SLC1A3: variants seen among roughly 807,000 people sequenced by gnomAD.
The protein encoded by SLC1A3 is excitatory amino acid transporter 1.
A neutral mutation model predicts 48.1 loss-of-function variants in SLC1A3; 21 were observed. That is an observed-to-expected ratio of 0.44 (90% CI 0.31 to 0.63). The LOEUF is 0.63. SLC1A3 is among the 20% of genes least tolerant of loss of function. The probability of loss-of-function intolerance (pLI) is 0.08; values close to 1 mark genes in which losing one functional copy is unlikely to be tolerated. For missense variants in SLC1A3, 546 were observed against 689.0 expected (o/e 0.79, Z 2.32); for synonymous variants, 239 against 251.4 (o/e 0.95, Z 0.47).
rs531319377 is a variant in SLC1A3, at chr5:36,635,209, A to G, written c.319+5622A>G. Among the ~76,000 whole-genome samples, 49 of 152,108 alleles carry G rather than the reference A, an allele frequency of 3.2e-4. 1 individual carries two copies. Among genetic ancestry groups the G allele is most frequent in the African/African-American group, 1.1e-3 (47 of 41,524 alleles). Reference sequence around the variant, plus strand: ...AAAACAGTATCTAACGCAGGGAGGAATTTCTTTAGGCTTCCCTTTCATTCT... The same window carrying G: ...AAAACAGTATCTAACGCAGGGAGGAGTTTCTTTAGGCTTCCCTTTCATTCT... On this transcript the variant is annotated intron_variant, in intron 3 of 9. Transcript: ENST00000265113.
Position 36,680,594 on chromosome 5 carries a change from A to G in SLC1A3, c.1289+5A>G, listed in dbSNP as rs528412871. On this transcript the variant is annotated splice_donor_5th_base_variant and intron_variant, in intron 8 of 9. Coordinates refer to ENST00000265113, the MANE Select transcript of SLC1A3 (RefSeq NM_004172.5). ...CGGACAAATTATTACAATCAGGTAC[A>G]AGGAAAGAGTTCTATACACCCTTTC... 4 of 1,611,588 alleles carry G rather than the reference A, an allele frequency of 2.5e-6. No individual in the cohort carries two copies. Among genetic ancestry groups the G allele is most frequent in the African/African-American group, 2.7e-5 (2 of 74,994 alleles).
Position 36,679,717 on chromosome 5 carries a change from C to T in SLC1A3, c.951C>T (p.Tyr317=). ...TGATTGGGGGGCAGCTTGCCATGTA[C>T]ACCGTGACTGTCATTGTTGGCTTAC... The part of the protein sequence containing the change: ...MGVIGGQLAM[Y]TVTVIVGLLI... Residue 317 remains tyrosine, a synonymous_variant, in exon 7 of 10, where the codon TAC becomes TAT. Coordinates refer to ENST00000265113, the MANE Select transcript of SLC1A3 (RefSeq NM_004172.5). The T allele has an allele frequency of 6.2e-7, 1 of 1,614,114 alleles. No individual in the cohort carries two copies. Among genetic ancestry groups the T allele is most frequent in the South Asian group, 1.1e-5 (1 of 91,082 alleles).
chr5:36,625,283 C>T (rs1190159112), intron 2 of SLC1A3, among the ~76,000 whole-genome samples: 1 of 152,136 alleles, frequency 6.6e-6, no homozygotes, highest in African/African-American at 2.4e-5. Flanking sequence ...CATGGCAGAA[C>T]CCCATCTCTA....
At chr5:36,600,359 G>A (rs886743601) in intron 1 of SLC1A3, among the ~76,000 whole-genome samples, 6 of 152,064 alleles carry the variant, frequency 3.9e-5, no homozygotes, top group Non-Finnish European at 8.8e-5. Context: ...TTGGAGGAGA[G>A]GACCTCCTAC....
At chr5:36,645,743 G>T (rs1740816432) in intron 3 of SLC1A3, among the ~76,000 whole-genome samples, 1 of 152,162 alleles carries the variant, frequency 6.6e-6, no homozygotes, top group African/African-American at 2.4e-5. Context: ...TTTGGACGAG[G>T]TTAAAATCAG....
intron 2 of SLC1A3, among the ~76,000 whole-genome samples, chr5:36,617,727 C>T (rs1038496641): frequency 6.6e-5 from 10 of 152,148 alleles, no homozygotes; most frequent in African/African-American, 1.4e-4. Context: ...TTCCTTAGCA[C>T]GTAGAAAGGC....
In SLC1A3 at chr5:36,629,422, T is replaced by C. The variant is rs575905092; in HGVS notation, c.182-28T>C. 317 of 1,597,848 alleles carry C rather than the reference T, an allele frequency of 2.0e-4. 1 individual carries two copies. The African/African-American group carries it at 3.8e-3, about 19-fold the overall frequency. On this transcript the variant is annotated intron_variant, in intron 2 of 9. Coordinates refer to ENST00000265113, the MANE Select transcript of SLC1A3 (RefSeq NM_004172.5). ...TGTTTCAAAAAAGACTCAATTTTTC[T>C]TTTTCTTTTTTTTTTTTTTTCCTTC...
chr5:36,616,064 C>T (rs1026159341), intron 2 of SLC1A3, among the ~76,000 whole-genome samples: 7 of 152,198 alleles, frequency 4.6e-5, no homozygotes, highest in East Asian at 3.9e-4. Flanking sequence ...GGCGCGGTGG[C>T]GGCTGCCTGT....
chr5:36,602,723 T>TG (rs1353662915), upstream of SLC1A3, among the ~76,000 whole-genome samples: 6 of 152,114 alleles, frequency 3.9e-5, no homozygotes, highest in African/African-American at 9.7e-5. Flanking sequence ...GGAATCTATT[T>TG]GGGGGGGTTC....
At chr5:36,621,956 T>C (rs147134807) in intron 2 of SLC1A3, among the ~76,000 whole-genome samples, 2 of 152,344 alleles carry the variant, frequency 1.3e-5, no homozygotes, top group East Asian at 3.9e-4. Flanking sequence ...GACAAATTAG[T>C]GCTAGTTTGG....
intron 3 of SLC1A3, among the ~76,000 whole-genome samples, chr5:36,657,945 G>A (rs1741349202): frequency 6.6e-6 from 1 of 152,216 alleles, no homozygotes; most frequent in Non-Finnish European, 1.5e-5. Context: ...GAGAGGCTTT[G>A]ACAAAGCAGA....
chr5:36,675,967 A>G (rs749694624), intron 5 of SLC1A3, among the ~76,000 whole-genome samples: 6 of 152,212 alleles, frequency 3.9e-5, no homozygotes, highest in Non-Finnish European at 7.3e-5. Flanking sequence ...TACAATCACC[A>G]TCAAGATCAG....
At chr5:36,602,384 A>G (rs1738818729), upstream of SLC1A3, among the ~76,000 whole-genome samples, 1 of 152,186 alleles carries the variant, frequency 6.6e-6, no homozygotes, top group Non-Finnish European at 1.5e-5. Flanking sequence ...TAAATTAGAT[A>G]ATGTGTGTAG....
chr5:36,640,511 T>A (rs1331360956), intron 3 of SLC1A3, among the ~76,000 whole-genome samples: 15 of 152,208 alleles, frequency 9.9e-5, no homozygotes, highest in Admixed American at 9.8e-4. Context: ...TGAGTTTCCA[T>A]CCAGGTTTTC....
At chr5:36,629,367 ACTTACTCATTTTG>A in intron 2 of SLC1A3, 70 bp from the exon 3 acceptor site, 3 of 1,195,934 alleles carry the variant, frequency 2.5e-6, no homozygotes, top group Non-Finnish European at 3.6e-6. Flanking sequence ...CCAGCCAAAT[ACTTACTCATTTTG>A]CTAGGGCTGT....
Position 36,608,580 on chromosome 5 carries a change from C to T in SLC1A3, c.157C>T (p.Leu53Phe). ...SYLFRNAFVL[L>F]TVTAVIVGTI... ...CCTGTTTCGGAATGCTTTTGTGCTG[C>T]TCACAGTCACCGCTGTCATTGTGGG... The change falls in exon 2 of 10, where the codon CTC becomes TTC. Residue 53 changes from leucine to phenylalanine, a missense_variant. Physicochemically the swap from Leu to Phe is conservative, Grantham distance 22. Coordinates refer to ENST00000265113, the MANE Select transcript of SLC1A3 (RefSeq NM_004172.5). 1 of 1,613,836 alleles carries T rather than the reference C, an allele frequency of 6.2e-7. No individual in the cohort carries two copies. Among genetic ancestry groups the T allele is most frequent in the Non-Finnish European group, 8.5e-7 (1 of 1,179,778 alleles).
At position 36,617,323 on chromosome 5, in the gene SLC1A3, C is replaced by A. The variant is rs62354632; in HGVS notation, c.181+8719C>A. ...AGGAGAAATCAACCCAGACTCAAAG[C>A]GACATTTTAGAAAGATGCAGGCATC... On this transcript the variant is annotated intron_variant, in intron 2 of 9. Transcript: ENST00000265113. 9.4e-3 allele frequency among the ~76,000 whole-genome samples: 1,411 copies of A among 150,056 alleles called. 7 individuals carry two copies. Among genetic ancestry groups the A allele is most frequent in the Non-Finnish European group, 0.015 (984 of 67,834 alleles).
chr5:36,614,175 G>A (rs1739332299), intron 2 of SLC1A3, among the ~76,000 whole-genome samples: 3 of 152,198 alleles, frequency 2.0e-5, no homozygotes, highest in African/African-American at 7.2e-5. Flanking sequence ...CTATGCACAA[G>A]CCATATCACC....
chr5:36,599,701 G>GT (rs34065809), intron 1 of SLC1A3, among the ~76,000 whole-genome samples: 87,202 of 151,108 alleles, frequency 0.58, 25,723 homozygotes, highest in East Asian at 0.74. Context: ...TAGAGACGGA[G>GT]TTCGCCATGT....
Sources: allele counts gnomAD v4.1 joint callset (sites outside exome capture counted in the v4.1 genomes callset), GRCh38; gene constraint gnomAD v4.1.1; transcripts MANE v1.5; gene names NCBI Gene and HGNC (gene_info 2026-07-23, HGNC 2026-07-21).